SNX9: variants seen among roughly 807,000 people sequenced by gnomAD.
The protein encoded by SNX9 is sorting nexin-9.
SNX9 carries 44 observed loss-of-function variants against 89.4 expected under a neutral mutation model. The ratio of observed to expected loss-of-function variants is 0.49; its 90% CI spans 0.39 to 0.63. SNX9 has a LOEUF of 0.63. Among genes scored for constraint, SNX9 ranks in the 30% least tolerant of loss-of-function variants. The pLI, the probability that SNX9 is intolerant of heterozygous loss-of-function variation, is 0.00. For synonymous variants in SNX9, 236 were observed against 247.8 expected (o/e 0.95, Z 0.45); for missense variants, 578 against 736.1 (o/e 0.79, Z 2.49).
At chr6:157,863,777 A>G (rs977117251) in intron 1 of SNX9, among the ~76,000 whole-genome samples, 1 of 152,158 alleles carries the variant, frequency 6.6e-6, no homozygotes, top group African/African-American at 2.4e-5. Context: ...TAGGAAAGAG[A>G]AAAGAGGGGT....
chr6:157,910,060 A>G (rs1323660414), intron 9 of SNX9, 35 bp downstream of exon 9: 1 of 1,486,836 alleles, frequency 6.7e-7, no homozygotes, highest in East Asian at 2.3e-5. Flanking sequence ...AGGATGACAA[A>G]TAGAAAGACT....
intron 9 of SNX9, among the ~76,000 whole-genome samples, chr6:157,919,329 C>T (rs1329245127): frequency 6.6e-6 from 1 of 152,208 alleles, no homozygotes; most frequent in Non-Finnish European, 1.5e-5. Context: ...TCTTCTTCCT[C>T]TGGGATTCTC....
At position 157,896,930 on chromosome 6, in the gene SNX9, A is replaced by G; in HGVS notation, c.404A>G (p.Gln135Arg). ...WGAQPEGAGA[Q>R]RNTNTPNNWD... ...GCCCAGCCAGAGGGGGCTGGAGCCC[A>G]AAGAAACACAAACACTCCCAACAAC... Residue 135 changes from glutamine to arginine, a missense_variant, in exon 5 of 18, where the codon CAA (glutamine) becomes CGA (arginine). Gln to Arg is a conservative substitution (Grantham distance 43, BLOSUM62 1). Coordinates refer to ENST00000392185, the MANE Select transcript of SNX9 (RefSeq NM_016224.5). 6.2e-6 allele frequency: 10 copies of G among 1,612,922 alleles called. No individual in the cohort carries two copies. The highest frequency in any genetic ancestry group is 8.5e-6 in the Non-Finnish European group (10 of 1,179,678).
chr6:157,869,970 T>C (rs1782359050), intron 2 of SNX9, among the ~76,000 whole-genome samples: 1 of 151,900 alleles, frequency 6.6e-6, no homozygotes, highest in Non-Finnish European at 1.5e-5. Flanking sequence ...GTGTGCACTC[T>C]TACACACACG....
chr6:157,936,147 T>C (rs926341904), intron 14 of SNX9, 107 bp downstream of exon 14: 2 of 756,930 alleles, frequency 2.6e-6, no homozygotes, highest in Admixed American at 6.3e-5. Context: ...TACCCTCTTC[T>C]TTTCTGTTTC....
intron 4 of SNX9, among the ~76,000 whole-genome samples, chr6:157,879,344 G>A (rs1782581248): frequency 6.6e-6 from 1 of 152,184 alleles, no homozygotes; most frequent in Non-Finnish European, 1.5e-5. Flanking sequence ...AGATTTAGAT[G>A]TACAGATAGA....
chr6:157,834,585 G>A (rs142626617), intron 1 of SNX9, among the ~76,000 whole-genome samples: 14 of 151,924 alleles, frequency 9.2e-5, no homozygotes, highest in African/African-American at 3.4e-4. Flanking sequence ...AAACTCCTAG[G>A]CTCAAACGAT....
intron 14 of SNX9, among the ~76,000 whole-genome samples, chr6:157,936,902 C>G (rs945734958): frequency 2.0e-5 from 3 of 152,082 alleles, no homozygotes; most frequent in African/African-American, 4.8e-5. Flanking sequence ...TTTCAGATGA[C>G]TTTAAACTAT....
At chr6:157,912,695 T>C (rs191803399) in intron 9 of SNX9, among the ~76,000 whole-genome samples, 29 of 152,362 alleles carry the variant, frequency 1.9e-4, no homozygotes, top group Admixed American at 1.7e-3. Flanking sequence ...ATGACATTCC[T>C]GTGGACTCGA....
At position 157,867,649 on chromosome 6, in the gene SNX9, A is replaced by G; in HGVS notation, c.99+16A>G. 1.3e-6 allele frequency: 2 copies of G among 1,583,604 alleles called. No homozygotes were observed. The highest frequency in any genetic ancestry group is 1.7e-6 in the Non-Finnish European group (2 of 1,158,030). On this transcript the variant is annotated intron_variant, in intron 2 of 17. Transcript: ENST00000392185. ...CACAAATCCGGTAAGAGAACTGTAC[A>G]TTCGAGTCTGATTGTCCCATGTGGA...
intron 1 of SNX9, among the ~76,000 whole-genome samples, chr6:157,825,884 G>A (rs1470578198): frequency 6.6e-6 from 1 of 152,144 alleles, no homozygotes; most frequent in African/African-American, 2.4e-5. Context: ...AAGGGGTGGG[G>A]AGAATGTGCT....
At chr6:157,869,054 T>C (rs1782333847) in intron 2 of SNX9, among the ~76,000 whole-genome samples, 1 of 152,232 alleles carries the variant, frequency 6.6e-6, no homozygotes, top group Non-Finnish European at 1.5e-5. Context: ...CTGTGCTCCT[T>C]GTTTTCCAGA....
In SNX9 at chr6:157,833,283, GA is replaced by G. The variant is rs993871309; in HGVS notation, c.12+9845del. Among the ~76,000 whole-genome samples, 251 of 151,732 alleles carry G rather than the reference GA, an allele frequency of 1.7e-3. 6 individuals carry two copies. Among genetic ancestry groups the G allele is most frequent in the Non-Finnish European group, 8.8e-5 (6 of 67,880 alleles). On this transcript the variant is annotated intron_variant, in intron 1 of 17. Transcript: ENST00000392185. ...GAATATTTGCTGCTTTTGTAACAAG[GA>G]AAAAAAAGATTTTTTTTTAATTAAA...
intron 7 of SNX9, among the ~76,000 whole-genome samples, chr6:157,907,597 T>C (rs950685974): frequency 5.3e-5 from 8 of 152,194 alleles, no homozygotes; most frequent in Non-Finnish European, 1.5e-5. Context: ...CTCACATTCT[T>C]AAAGGGGACT....
intron 5 of SNX9, among the ~76,000 whole-genome samples, chr6:157,899,892 AGT>A (rs112378365): frequency 1.3e-5 from 2 of 151,692 alleles, no homozygotes; most frequent in Non-Finnish European, 2.9e-5. Flanking sequence ...TGATTACCTA[AGT>A]GTGTGTGTGT....
At chr6:157,866,477 G>T (rs1782264290) in intron 1 of SNX9, among the ~76,000 whole-genome samples, 2 of 152,198 alleles carry the variant, frequency 1.3e-5, no homozygotes, top group Admixed American at 1.3e-4. Flanking sequence ...GGGAGGCTGA[G>T]GTGGGAGGAT....
chr6:157,909,462 G>GCTACTCAC (rs1562614388), intron 7 of SNX9, among the ~76,000 whole-genome samples: 1 of 152,184 alleles, frequency 6.6e-6, no homozygotes, highest in Non-Finnish European at 1.5e-5. Flanking sequence ...GGGAGCAGAA[G>GCTACTCAC]GGTTTCCCAC....
intron 13 of SNX9, 33 bp downstream of exon 13, chr6:157,932,305 T>TA: frequency 6.3e-7 from 1 of 1,590,308 alleles, no homozygotes. Flanking sequence ...AGTGGGCCTT[T>TA]AGAGCCTTAT....
At chr6:157,877,400 G>T (rs1782541886) in intron 4 of SNX9, among the ~76,000 whole-genome samples, 1 of 152,110 alleles carries the variant, frequency 6.6e-6, no homozygotes, top group Non-Finnish European at 1.5e-5. Context: ...TTGAGCATTT[G>T]AATTTAATGT....
Sources: allele counts gnomAD v4.1 joint callset (sites outside exome capture counted in the v4.1 genomes callset), GRCh38; gene constraint gnomAD v4.1.1; transcripts MANE v1.5; gene names NCBI Gene and HGNC (gene_info 2026-07-23, HGNC 2026-07-21).